The following PRKCE variants were observed in gnomAD, a reference collection of about 807,000 sequenced individuals.
PRKCE encodes the protein protein kinase C epsilon type.
A neutral mutation model predicts 85.4 loss-of-function variants in PRKCE; 16 were observed. The observed-to-expected ratio is 0.19, with a 90% CI of 0.13 to 0.28. The LOEUF (loss-of-function observed/expected upper bound fraction) is 0.28. PRKCE is among the 10% of genes least tolerant of loss of function. The pLI is 1.00. For missense variants in PRKCE, 573 were observed against 975.2 expected, an observed-to-expected ratio of 0.59 and a Z score of 5.49; for synonymous variants, 388 against 371.5, an observed-to-expected ratio of 1.04 and a Z score of -0.51.
chr2:46,077,037 G>A (rs1167316949), intron 10 of PRKCE, among the ~76,000 whole-genome samples: 1 of 152,094 alleles, frequency 6.6e-6, no homozygotes, highest in Non-Finnish European at 1.5e-5. Flanking sequence ...CAAAGTTTCA[G>A]TTATGAAGGA....
chr2:45,969,434 G>C (rs948440056), intron 2 of PRKCE, among the ~76,000 whole-genome samples: 2 of 152,194 alleles, frequency 1.3e-5, no homozygotes, highest in African/African-American at 4.8e-5. Context: ...TGCTGGCTGA[G>C]CACGGCTGAG....
chr2:45,727,907 C>A (rs919279449), intron 1 of PRKCE, among the ~76,000 whole-genome samples: 1 of 152,136 alleles, frequency 6.6e-6, no homozygotes, highest in Non-Finnish European at 1.5e-5. Context: ...CCTGCCTCGG[C>A]CTCCCAAAGT....
chr2:45,762,414 A>T (rs1436611040), intron 1 of PRKCE, among the ~76,000 whole-genome samples: 1 of 152,134 alleles, frequency 6.6e-6, no homozygotes, highest in Non-Finnish European at 1.5e-5. Context: ...GAACTTTGTC[A>T]CTTGGGAATG....
chr2:45,751,469 G>C (rs1683552896), intron 1 of PRKCE, among the ~76,000 whole-genome samples: 1 of 151,054 alleles, frequency 6.6e-6, no homozygotes, highest in African/African-American at 2.4e-5. Context: ...CTTATATCAA[G>C]CATAGTACCC....
intron 10 of PRKCE, 109 bp downstream of exon 10, chr2:46,010,626 G>A: frequency 6.3e-7 from 1 of 1,599,210 alleles, no homozygotes; most frequent in Non-Finnish European, 8.5e-7. Flanking sequence ...TTGTAAAGTG[G>A]GATGGGTTTT....
At chr2:46,183,830 A>G (rs1221689980) in intron 14 of PRKCE, among the ~76,000 whole-genome samples, 1 of 152,346 alleles carries the variant, frequency 6.6e-6, no homozygotes, top group East Asian at 1.9e-4. Flanking sequence ...TGTGTTCTAC[A>G]CAGGACTACT....
chr2:45,944,057 A>G (rs1350592756), intron 2 of PRKCE, among the ~76,000 whole-genome samples: 1 of 152,222 alleles, frequency 6.6e-6, no homozygotes, highest in Non-Finnish European at 1.5e-5. Flanking sequence ...GAATATAGGT[A>G]TTATGAATCT....
chr2:46,087,587 C>T (rs1669765801), intron 11 of PRKCE, among the ~76,000 whole-genome samples: 1 of 152,220 alleles, frequency 6.6e-6, no homozygotes, highest in South Asian at 2.1e-4. Flanking sequence ...CCTAGCCTGC[C>T]ATTCATGGCC....
At chr2:45,730,354 T>G (rs1283471975) in intron 1 of PRKCE, among the ~76,000 whole-genome samples, 4 of 152,044 alleles carry the variant, frequency 2.6e-5, no homozygotes, top group African/African-American at 9.7e-5. Flanking sequence ...GATGGAGTCT[T>G]GCTGTGTTGC....
At chr2:45,899,735 T>C (rs1360979161) in intron 2 of PRKCE, among the ~76,000 whole-genome samples, 1 of 152,180 alleles carries the variant, frequency 6.6e-6, no homozygotes, top group East Asian at 1.9e-4. Flanking sequence ...CTGAATTCTC[T>C]CTCAGAAGTG....
chr2:46,081,860 C>A lies in PRKCE; in HGVS notation c.1438-4348C>A, dbSNP rs186372772. Among the ~76,000 whole-genome samples the A allele has an allele frequency of 2.6e-5, 4 of 152,246 alleles. No homozygotes were observed. In the East Asian group the frequency reaches 7.7e-4, roughly 29 times the overall value. On this transcript the variant is annotated intron_variant, in intron 10 of 14. Transcript: ENST00000306156. ...CTTGTAATCCCAGCATTCTGGGAGG[C>A]CAAGGTGAGTGGATCACTTGAAGTC...
chr2:45,843,155 T>C (rs1405191646), intron 2 of PRKCE, 92 bp downstream of exon 2: 8 of 1,109,976 alleles, frequency 7.2e-6, no homozygotes, highest in African/African-American at 1.6e-5. Flanking sequence ...GAACACATTA[T>C]AGTGACATTT....
chr2:45,819,085 A>C (rs940717197), intron 1 of PRKCE, among the ~76,000 whole-genome samples: 4 of 152,212 alleles, frequency 2.6e-5, no homozygotes, highest in Admixed American at 2.6e-4. Flanking sequence ...AGCAGAGAGG[A>C]GTAGGTATAT....
At chr2:45,725,669 A>G (rs35604931) in intron 1 of PRKCE, among the ~76,000 whole-genome samples, 22,283 of 152,042 alleles carry the variant, frequency 0.15, 1,740 homozygotes, top group Non-Finnish European at 0.17. Context: ...CATCTCCACT[A>G]AAAATATAAA....
At position 46,055,057 on chromosome 2, in the gene PRKCE, G is replaced by A. The variant is rs181084549; in HGVS notation, c.1438-31151G>A. Among the ~76,000 whole-genome samples the A allele has an allele frequency of 2.2e-3, 331 of 152,194 alleles. 2 individuals are homozygous for A. Among genetic ancestry groups the A allele is most frequent in the African/African-American group, 7.4e-3 (309 of 41,494 alleles). On this transcript the variant is annotated intron_variant, in intron 10 of 14. Transcript: ENST00000306156. ...CACATTTACCATCTCTAATTCGTTC[G>A]TGATCACATTCCTCCTGGACGCCGG...
At chr2:46,104,830 G>A (rs1057108844) in intron 11 of PRKCE, among the ~76,000 whole-genome samples, 3 of 152,200 alleles carry the variant, frequency 2.0e-5, no homozygotes, top group Non-Finnish European at 2.9e-5. Flanking sequence ...ACAACCGAAA[G>A]ACTGGCGGCT....
At chr2:45,691,810 A>G (rs1677750089) in intron 1 of PRKCE, among the ~76,000 whole-genome samples, 1 of 152,154 alleles carries the variant, frequency 6.6e-6, no homozygotes, top group African/African-American at 2.4e-5. Flanking sequence ...TCTTTCCTGT[A>G]GCGGACACCT....
chr2:46,158,243 A>G (rs1407480820), intron 13 of PRKCE, among the ~76,000 whole-genome samples: 8 of 152,210 alleles, frequency 5.3e-5, no homozygotes, highest in Admixed American at 5.2e-4. Flanking sequence ...TTCACAGAGG[A>G]GGTAGCATTT....
intron 2 of PRKCE, among the ~76,000 whole-genome samples, chr2:45,945,611 C>CTATG (rs986565287): frequency 6.6e-6 from 1 of 152,178 alleles, no homozygotes. Flanking sequence ...TGAGCACATG[C>CTATG]TATGTACCAG....
Sources: gnomAD v4.1 joint callset for allele counts (sites outside exome capture counted in the v4.1 genomes callset) on GRCh38, gnomAD v4.1.1 for gene constraint, MANE v1.5 for transcripts, NCBI Gene and HGNC (gene_info 2026-07-23, HGNC 2026-07-21) for gene names.